SLC2A13: variants seen among roughly 807,000 people sequenced by gnomAD.
SLC2A13 encodes the protein proton myo-inositol cotransporter.
SLC2A13 carries 32 observed loss-of-function variants against 64.4 expected under a neutral mutation model. That is an observed-to-expected ratio of 0.50 (90% CI 0.37 to 0.67). The LOEUF is 0.67. Ranked by LOEUF, SLC2A13 falls within the 30% of genes least tolerant of loss-of-function variation. SLC2A13 has a pLI of 0.00. For synonymous variants in SLC2A13, 338 were observed against 327.1 expected, an observed-to-expected ratio of 1.03 and a Z score of -0.36; for missense variants, 743 against 829.2, an observed-to-expected ratio of 0.90 and a Z score of 1.28.
chr12:39,830,294 C>T (rs1166459394), intron 6 of SLC2A13, 66 bp from the exon 7 acceptor site: 3 of 1,558,846 alleles, frequency 1.9e-6, no homozygotes, highest in South Asian at 1.2e-5. Flanking sequence ...ATACTGGATT[C>T]CATGTGCTTC....
chr12:39,789,265 T>C (rs761201323), intron 7 of SLC2A13, among the ~76,000 whole-genome samples: 1 of 151,850 alleles, frequency 6.6e-6, no homozygotes, highest in African/African-American at 2.4e-5. Context: ...TAAAAATACA[T>C]ATCACTTGGT....
intron 7 of SLC2A13, among the ~76,000 whole-genome samples, chr12:39,790,293 A>G (rs1182409082): frequency 1.3e-5 from 2 of 151,114 alleles, no homozygotes; most frequent in East Asian, 3.9e-4. Flanking sequence ...ATATGTATAC[A>G]TGTGCTGTGC....
At position 39,846,333 on chromosome 12, in the gene SLC2A13, T is replaced by C. The variant is rs560424919; in HGVS notation, c.1320-16105A>G. Among the ~76,000 whole-genome samples, 3 of 152,294 alleles carry C rather than the reference T, an allele frequency of 2.0e-5. No individual in the cohort carries two copies. In the East Asian group the frequency reaches 5.8e-4, roughly 29 times the overall value. ...GACAATAGGAGCATCACATTTTAAT[T>C]GGTAAATTTCAAAATGAAGAGGGTA... On this transcript the variant is annotated intron_variant, in intron 6 of 9. Coordinates refer to ENST00000280871, the MANE Select transcript of SLC2A13 (RefSeq NM_052885.4).
At chr12:39,762,603 T>C (rs1379504299) in intron 9 of SLC2A13, among the ~76,000 whole-genome samples, 3 of 152,126 alleles carry the variant, frequency 2.0e-5, no homozygotes, top group South Asian at 4.1e-4. Context: ...TTTGAGATCT[T>C]ATGAAACAAT....
chr12:39,845,274 C>T (rs908144355), intron 6 of SLC2A13, among the ~76,000 whole-genome samples: 4 of 151,650 alleles, frequency 2.6e-5, no homozygotes, highest in African/African-American at 9.7e-5. Context: ...TTTTTGGGAC[C>T]CATTTGTGCT....
At chr12:39,945,015 A>G (rs1486107398) in intron 4 of SLC2A13, among the ~76,000 whole-genome samples, 1 of 152,126 alleles carries the variant, frequency 6.6e-6, no homozygotes, top group Non-Finnish European at 1.5e-5. Flanking sequence ...TTGTTTCAAG[A>G]TTTAGAGCTC....
At chr12:39,791,239 T>C (rs1941392977) in intron 7 of SLC2A13, among the ~76,000 whole-genome samples, 1 of 145,752 alleles carries the variant, frequency 6.9e-6, no homozygotes, top group Admixed American at 6.9e-5. Context: ...TAATAAGAGC[T>C]ATCTATGACA....
intron 6 of SLC2A13, among the ~76,000 whole-genome samples, chr12:39,832,700 C>T (rs1347944455): frequency 4.2e-5 from 4 of 94,146 alleles, no homozygotes; most frequent in Non-Finnish European, 4.1e-5. Context: ...CACCAGTTAA[C>T]TGACCCCTCT....
At position 39,839,113 on chromosome 12, in the gene SLC2A13, T is replaced by C. The variant is rs566833694; in HGVS notation, c.1320-8885A>G. Among the ~76,000 whole-genome samples, 154 of 152,254 alleles carry C rather than the reference T, an allele frequency of 1.0e-3. 1 individual carries two copies. Among genetic ancestry groups the C allele is most frequent in the African/African-American group, 3.6e-3 (149 of 41,556 alleles). ...CCTAACAGCTATTCCCAAACTTCCATACTCTACTATCCCCTTCCTCACTGC... is the reference window on the plus strand; with the variant it reads ...CCTAACAGCTATTCCCAAACTTCCACACTCTACTATCCCCTTCCTCACTGC... On this transcript the variant is annotated intron_variant, in intron 6 of 9. Coordinates refer to ENST00000280871, the MANE Select transcript of SLC2A13 (RefSeq NM_052885.4).
intron 7 of SLC2A13, chr12:39,788,517 C>T (rs933660656): frequency 6.6e-6 from 1 of 152,080 alleles, no homozygotes; most frequent in Non-Finnish European, 1.5e-5. Context: ...CAATGGTACA[C>T]AATTTAAAAC....
At chr12:40,049,208 C>A (rs537672703) in intron 1 of SLC2A13, among the ~76,000 whole-genome samples, 1 of 147,390 alleles carries the variant, frequency 6.8e-6, no homozygotes, top group African/African-American at 2.6e-5. Context: ...CTTACCAAAG[C>A]CTCCATAAAA....
At chr12:39,913,181 T>G (rs1945459085) in intron 4 of SLC2A13, among the ~76,000 whole-genome samples, 1 of 151,752 alleles carries the variant, frequency 6.6e-6, no homozygotes, top group African/African-American at 2.4e-5. Flanking sequence ...GAAAAAGAGA[T>G]CATAGTAGAG....
intron 2 of SLC2A13, among the ~76,000 whole-genome samples, chr12:40,032,420 C>T (rs907610231): frequency 2.0e-5 from 3 of 152,182 alleles, no homozygotes; most frequent in African/African-American, 7.2e-5. Context: ...CTTACAGTTA[C>T]AAAATGAACT....
intron 3 of SLC2A13, among the ~76,000 whole-genome samples, chr12:39,978,243 G>A (rs1946801371): frequency 6.6e-6 from 1 of 152,210 alleles, no homozygotes; most frequent in African/African-American, 2.4e-5. Context: ...CCAAATGGAA[G>A]AACTCTTAAT....
intron 3 of SLC2A13, among the ~76,000 whole-genome samples, chr12:39,963,260 C>G (rs1287516138): frequency 2.3e-5 from 3 of 128,786 alleles, no homozygotes; most frequent in Non-Finnish European, 4.7e-5. Flanking sequence ...GCACTCCAGC[C>G]TGGGCGACAG....
intron 4 of SLC2A13, among the ~76,000 whole-genome samples, chr12:39,892,525 T>A (rs1156953507): frequency 6.6e-6 from 1 of 152,236 alleles, no homozygotes; most frequent in African/African-American, 2.4e-5. Context: ...GATTTTTTTT[T>A]AAACTACTGT....
intron 2 of SLC2A13, among the ~76,000 whole-genome samples, chr12:40,036,949 AAATG>A (rs1947997768): frequency 1.3e-5 from 2 of 152,302 alleles, no homozygotes; most frequent in South Asian, 4.2e-4. Context: ...GTTTTATCAT[AAATG>A]AATGTTATTC....
At chr12:39,957,431 A>G (rs1317715220) in intron 3 of SLC2A13, among the ~76,000 whole-genome samples, 2 of 152,188 alleles carry the variant, frequency 1.3e-5, no homozygotes, top group African/African-American at 4.8e-5. Context: ...AGCTATAGTA[A>G]CAAACATACT....
chr12:39,938,686 CTT>C (rs57069142), intron 4 of SLC2A13, among the ~76,000 whole-genome samples: 8,815 of 145,634 alleles, frequency 0.061, 454 homozygotes, highest in East Asian at 0.31. Flanking sequence ...GGATCATTGA[CTT>C]TTTTTTTTTT....
Sources: allele counts gnomAD v4.1 joint callset (sites outside exome capture counted in the v4.1 genomes callset), GRCh38; gene constraint gnomAD v4.1.1; transcripts MANE v1.5; gene names NCBI Gene and HGNC (gene_info 2026-07-23, HGNC 2026-07-21).